Variants in TRIM13 observed in about 807,000 individuals in gnomAD.
TRIM13 encodes E3 ubiquitin-protein ligase TRIM13.
TRIM13 carries 15 observed loss-of-function variants against 27.1 expected under a neutral mutation model. The observed-to-expected ratio is 0.55, with a 90% CI of 0.37 to 0.85. TRIM13 has a LOEUF of 0.85. Ranked by LOEUF, TRIM13 falls within the 40% of genes least tolerant of loss-of-function variation. The pLI, the probability that TRIM13 is intolerant of heterozygous loss-of-function variation, is 0.00. For missense variants in TRIM13, 402 were observed against 472.2 expected, an observed-to-expected ratio of 0.85 and a Z score of 1.38; for synonymous variants, 193 against 171.5, an observed-to-expected ratio of 1.13 and a Z score of -0.98.
In TRIM13 at chr13:50,013,220, T is replaced by A. The variant is rs1875892053; in HGVS notation, c.*56T>A. Reference sequence around the variant, plus strand: ...TTAGAAATTGTTAGAGAATAGAGAGTGGTAATTCAGATTTGGTCAACGATT... The same window carrying A: ...TTAGAAATTGTTAGAGAATAGAGAGAGGTAATTCAGATTTGGTCAACGATT... On this transcript the variant is annotated 3_prime_UTR_variant, in exon 2 of 2. Coordinates refer to ENST00000378182, the MANE Select transcript of TRIM13 (RefSeq NM_213590.3). The A allele has an allele frequency of 2.0e-6, 3 of 1,473,518 alleles. No individual in the cohort carries two copies. Among genetic ancestry groups the A allele is most frequent in the South Asian group, 1.5e-5 (1 of 68,880 alleles). The allele number at this position is 1,473,518 out of a possible 1,614,324, so 91.3% of individuals were successfully genotyped here.
rs1260298583 is a variant in TRIM13, at chr13:50,015,095, ATATATATATATATATATATATAT to A, written c.*1932_*1954del. On this transcript the variant is annotated 3_prime_UTR_variant, in exon 2 of 2. Coordinates refer to ENST00000378182, the MANE Select transcript of TRIM13 (RefSeq NM_213590.3). ...AGTAATAAAAAAAAAAAAAAAAAAAATATATATATATATATATATATATATATATATATATATATATATATATA... is the reference window on the plus strand; with the variant it reads ...AGTAATAAAAAAAAAAAAAAAAAAAAATATATATATATATATATATATATA... 2 of 16,704 alleles carry A rather than the reference ATATATATATATATATATATATAT, an allele frequency of 1.2e-4. No individual in the cohort carries two copies. The highest frequency in any genetic ancestry group is 6.5e-4 in the African/African-American group (2 of 3,094). 1.0% of individuals were successfully genotyped at this position (16,704 alleles called of 1,614,324 possible).
At position 50,016,926 on chromosome 13, in the gene TRIM13, G is replaced by A. The variant is rs1329810123; in HGVS notation, c.*3762G>A. ...AGATATTTTCTTAACTTGAGCAGTA[G>A]CCAACAGGAAGGATACCAGTGTCTC... On this transcript the variant is annotated 3_prime_UTR_variant, in exon 2 of 2. Transcript: ENST00000378182. 1 of 165,392 alleles carries A rather than the reference G, an allele frequency of 6.0e-6. No homozygotes were observed. Among genetic ancestry groups the A allele is most frequent in the Non-Finnish European group, 1.5e-5 (1 of 67,986 alleles). The allele number at this position is 165,392 out of a possible 1,614,324, so 10.2% of individuals were successfully genotyped here.
Position 50,012,077 on chromosome 13 carries a change from T to C in TRIM13, c.137T>C (p.Leu46Ser), listed in dbSNP as rs754619198. ...TTAGAAGGGAGTGTGCGGAATTCCT[T>C]GTGGAGACCAGCTCCATTCAAGTGT... ...GILEGSVRNS[L>S]WRPAPFKCPT... The change falls in exon 2 of 2, where the codon TTG becomes TCG. Residue 46 changes from leucine to serine, a missense_variant. This residue lies in a region of TRIM13 where 202 missense variants were observed against 277.5 expected (regional missense o/e 0.73). Coordinates refer to ENST00000378182, the MANE Select transcript of TRIM13 (RefSeq NM_213590.3). The C allele has an allele frequency of 9.9e-6, 16 of 1,614,020 alleles. No individual in the cohort carries two copies. Among genetic ancestry groups the C allele is most frequent in the Non-Finnish European group, 1.4e-5 (16 of 1,180,014 alleles).
chr13:50,015,450 C>G lies in TRIM13; in HGVS notation c.*2286C>G. ...ACATTTATGGTTATAGGTTGATTTC[C>G]TAAGTGTGGCTGATGGTAGCCTCTA... is the stretch of plus-strand genomic sequence containing the variant. On this transcript the variant is annotated 3_prime_UTR_variant, in exon 2 of 2. Transcript: ENST00000378182. The G allele has an allele frequency of 7.2e-7, 1 of 1,395,886 alleles. No individual in the cohort carries two copies. The allele number at this position is 1,395,886 out of a possible 1,614,324, so 86.5% of individuals were successfully genotyped here.
chr13:50,011,803 T>G (rs1875682277), intron 1 of TRIM13, 132 bp from the exon 2 acceptor site: 1 of 1,122,516 alleles, frequency 8.9e-7, no homozygotes, highest in Non-Finnish European at 1.2e-6. Flanking sequence ...CTTACCAAAT[T>G]TCTCACTACT....
At position 49,997,597 on chromosome 13, in the gene TRIM13, T is replaced by A. The variant is rs1407668901; in HGVS notation, c.-173T>A. 6.6e-6 allele frequency: 1 copy of A among 152,142 alleles called. No individual in the cohort carries two copies. Among genetic ancestry groups the A allele is most frequent in the African/African-American group, 2.4e-5 (1 of 41,390 alleles). The allele number at this position is 152,142 out of a possible 1,614,324, so 9.4% of individuals were successfully genotyped here. ...TTATTTGTGGGGGCGATTGAAAAAA[T>A]TGAGGGTCAAGATTGGGGTGCTGTG... On this transcript the variant is annotated 5_prime_UTR_variant, in exon 1 of 2. In the 5' UTR this introduces an upstream ATG that the reference lacks. Transcript: ENST00000378182.
rs1173935698 is a variant in TRIM13, at chr13:50,014,313, C to CAAAAAAAAAAAAAAAAAA, written c.*1164_*1181dup. On this transcript the variant is annotated 3_prime_UTR_variant, in exon 2 of 2. Transcript: ENST00000378182. The stretch of plus-strand genomic sequence containing the variant: ...AAACATAGCAAGACCCAGTCTCTAC[C>CAAAAAAAAAAAAAAAAAA]AAAAAAAAAAAAAAAAAAAAAAAAA... The CAAAAAAAAAAAAAAAAAA allele has an allele frequency of 5.2e-5, 1 of 19,294 alleles. No homozygotes were observed. The allele number at this position is 19,294 out of a possible 1,614,324, so 1.2% of individuals were successfully genotyped here. A position where few individuals can be genotyped will look rare whatever the true frequency, so the allele number is the denominator to read the frequency against.
In TRIM13 at chr13:50,012,933, T is replaced by G. The variant is rs780695733; in HGVS notation, c.993T>G (p.Gly331=). The change falls in exon 2 of 2, where the codon GGT becomes GGG. Residue 331 remains glycine, a synonymous_variant. Coordinates refer to ENST00000378182, the MANE Select transcript of TRIM13 (RefSeq NM_213590.3). ...ILLLGLVIVF[G]PTMFLEWSLF... ...TGCTTGGCCTTGTCATTGTCTTTGG[T>G]CCTACCATGTTCCTAGAATGGTCAT... The G allele has an allele frequency of 1.2e-6, 2 of 1,613,990 alleles. No homozygotes were observed. Among genetic ancestry groups the G allele is most frequent in the South Asian group, 2.2e-5 (2 of 91,074 alleles).
chr13:50,009,454 C>T (rs1026524078), intron 1 of TRIM13, among the ~76,000 whole-genome samples: 17 of 151,912 alleles, frequency 1.1e-4, no homozygotes, highest in Middle Eastern at 6.8e-3. Flanking sequence ...AAAAAATCCA[C>T]GGCCAGGCGC....
Position 50,007,260 on chromosome 13 carries a change from G to T in TRIM13, c.-6-4675G>T, listed in dbSNP as rs1283604584. ...AATCCCAGCACTTTGGGAGGCTGAG[G>T]CAGGTGGATCATGAGGTCAGGAGTT... On this transcript the variant is annotated intron_variant, in intron 1 of 1. Transcript: ENST00000378182. Among the ~76,000 whole-genome samples the T allele has an allele frequency of 3.3e-5, 5 of 151,868 alleles. No homozygotes were observed. The East Asian group carries it at 9.7e-4, about 29-fold the overall frequency.
intron 1 of TRIM13, among the ~76,000 whole-genome samples, chr13:50,010,492 A>G (rs1169158121): frequency 6.6e-6 from 1 of 152,178 alleles, no homozygotes; most frequent in Non-Finnish European, 1.5e-5. Context: ...GATTTGTAAC[A>G]TGCATTAGTG....
rs748995629 is a variant in TRIM13, at chr13:50,015,918, T to G, written c.*2754T>G. Reference sequence around the variant, plus strand: ...GAGATGCTAACAGGGAGGATTACAGTGTTTACAGAACAACCTTCAGCGCCG... The same window carrying G: ...GAGATGCTAACAGGGAGGATTACAGGGTTTACAGAACAACCTTCAGCGCCG... On this transcript the variant is annotated 3_prime_UTR_variant, in exon 2 of 2. Coordinates refer to ENST00000378182, the MANE Select transcript of TRIM13 (RefSeq NM_213590.3). The G allele has an allele frequency of 6.2e-7, 1 of 1,614,100 alleles. No individual in the cohort carries two copies. Among genetic ancestry groups the G allele is most frequent in the Admixed American group, 1.7e-5 (1 of 60,020 alleles).
chr13:50,012,695 T>G lies in TRIM13; in HGVS notation c.755T>G (p.Met252Arg). ...GAACCCATTGTATTTCTGCAACAGA[T>G]GCAGGAGTTTAGAGAGAAAATCAAA... ...VSEPIVFLQQMQEFREKIKVI... is the reference protein window; with the variant it reads ...VSEPIVFLQQRQEFREKIKVI... The change falls in exon 2 of 2, where the codon ATG (methionine) becomes AGG (arginine). Residue 252 changes from methionine to arginine, a missense_variant. Physicochemically the swap from Met to Arg is moderately conservative, Grantham distance 91. Around this residue, in one of 2 missense-constraint regions of TRIM13, gnomAD observed 200 missense variants for 194.7 expected, o/e 1.03. Coordinates refer to ENST00000378182, the MANE Select transcript of TRIM13 (RefSeq NM_213590.3). The G allele has an allele frequency of 6.2e-7, 1 of 1,614,180 alleles. No individual in the cohort carries two copies.
chr13:50,004,755 G>T (rs1874459714), intron 1 of TRIM13, among the ~76,000 whole-genome samples: 1 of 150,586 alleles, frequency 6.6e-6, no homozygotes, highest in Admixed American at 6.6e-5. Context: ...ACTTCAGTCT[G>T]GGTGACAGCC....
At chr13:50,004,633 G>T (rs1341653440) in intron 1 of TRIM13, among the ~76,000 whole-genome samples, 1 of 151,996 alleles carries the variant, frequency 6.6e-6, no homozygotes, top group Non-Finnish European at 1.5e-5. Context: ...TGGTAGTGGT[G>T]CATGCCTGTA....
intron 1 of TRIM13, among the ~76,000 whole-genome samples, chr13:50,011,574 AGACACT>A (rs1246479644): frequency 6.6e-6 from 1 of 152,216 alleles, no homozygotes; most frequent in Non-Finnish European, 1.5e-5. Flanking sequence ...ATTCTGTTAC[AGACACT>A]GAATAGCCTT....
At position 50,017,874 on chromosome 13, in the gene TRIM13, GT is replaced by G. The variant is rs1184922321; in HGVS notation, c.*4711del. 1 of 167,028 alleles carries G rather than the reference GT, an allele frequency of 6.0e-6. No individual in the cohort carries two copies. The highest frequency in any genetic ancestry group is 6.5e-5 in the Admixed American group (1 of 15,276). 10.3% of individuals were successfully genotyped at this position (167,028 alleles called of 1,614,324 possible). A position where few individuals can be genotyped will look rare whatever the true frequency, so the allele number is the denominator to read the frequency against. ...GAAAATGGAGAAGTGAGCCTAATTG[GT>G]GCCTAATTGTCTGGTGTATCATTCA... On this transcript the variant is annotated 3_prime_UTR_variant, in exon 2 of 2. Transcript: ENST00000378182.
intron 1 of TRIM13, among the ~76,000 whole-genome samples, chr13:50,010,648 G>A (rs917839904): frequency 3.3e-5 from 5 of 152,122 alleles, no homozygotes; most frequent in African/African-American, 1.2e-4. Context: ...ATGGGAAGCT[G>A]TCAGGCTCAT....
At chr13:50,009,042 A>G (rs1045038234) in intron 1 of TRIM13, among the ~76,000 whole-genome samples, 3 of 151,312 alleles carry the variant, frequency 2.0e-5, no homozygotes, top group East Asian at 3.9e-4. Flanking sequence ...AAAAAAAAAA[A>G]AGAGAATCCC....
Sources: gnomAD v4.1 joint callset for allele counts (sites outside exome capture counted in the v4.1 genomes callset) on GRCh38, gnomAD v4.1.1 for gene constraint, gnomAD v4.1.1 regional missense constraint, MANE v1.5 for transcripts, NCBI Gene and HGNC (gene_info 2026-07-23, HGNC 2026-07-21) for gene names.